PDE2A: variants seen among roughly 807,000 people sequenced by gnomAD.
PDE2A encodes the protein phosphodiesterase 2A.
PDE2A carries 53 observed loss-of-function variants against 133.6 expected under a neutral mutation model. The ratio of observed to expected loss-of-function variants is 0.40; its 90% CI spans 0.32 to 0.50. The LOEUF is 0.50. Ranked by LOEUF, PDE2A falls within the 20% of genes least tolerant of loss-of-function variation. The pLI is 0.73. For synonymous variants in PDE2A, 491 were observed against 490.2 expected, an observed-to-expected ratio of 1.00 and a Z score of -0.02; for missense variants, 796 against 1,232.4, an observed-to-expected ratio of 0.65 and a Z score of 5.30.
chr11:72,658,764 T>C (rs1157269086), intron 1 of PDE2A, among the ~76,000 whole-genome samples: 1 of 152,214 alleles, frequency 6.6e-6, no homozygotes, highest in African/African-American at 2.4e-5. Context: ...TGCAGTCCTA[T>C]GAATGAAGCT....
At chr11:72,589,061 T>C (rs1206909933) in intron 12 of PDE2A, 114 bp downstream of exon 12, 1 of 1,224,502 alleles carries the variant, frequency 8.2e-7, no homozygotes. Flanking sequence ...CAGTAGAAAG[T>C]CCCCAGGTCT....
At chr11:72,603,276 C>T (rs1856835352) in intron 4 of PDE2A, among the ~76,000 whole-genome samples, 1 of 132,988 alleles carries the variant, frequency 7.5e-6, no homozygotes, top group Non-Finnish European at 1.5e-5. Flanking sequence ...TTTGAATATT[C>T]ACTTTTAATT....
chr11:72,670,210 A>G lies in PDE2A; in HGVS notation c.71+3927T>C, dbSNP rs560659069. On this transcript the variant is annotated intron_variant, in intron 1 of 30. Coordinates refer to ENST00000334456, the MANE Select transcript of PDE2A (RefSeq NM_002599.5). ...GCTCTTCCTTATAAGGCCAGCCCCA[A>G]TGGCCCCTCCTCCTAAATACCTTCC... Among the ~76,000 whole-genome samples the G allele has an allele frequency of 2.0e-5, 3 of 150,680 alleles. No homozygotes were observed. The South Asian group carries it at 6.2e-4, about 31-fold the overall frequency.
Position 72,590,329 on chromosome 11 carries a change from G to C in PDE2A, c.704-85C>G, listed in dbSNP as rs781445347. ...CTCAGGCGCCGCTCAGCTCCGCGCC[G>C]GGCCCGCCGCCGGCTCCCGGGATCG... On this transcript the variant is annotated intron_variant, in intron 8 of 30. Coordinates refer to ENST00000334456, the MANE Select transcript of PDE2A (RefSeq NM_002599.5). This position sits in a 1 kb window ranked among gnomAD's most constrained non-coding sequence, Gnocchi z 4.8. The C allele has an allele frequency of 2.6e-6, 4 of 1,537,416 alleles. No homozygotes were observed. Among genetic ancestry groups the C allele is most frequent in the South Asian group, 2.4e-5 (2 of 83,686 alleles).
At position 72,598,245 on chromosome 11, in the gene PDE2A, T is replaced by A. The variant is rs188501156; in HGVS notation, c.324-626A>T. On this transcript the variant is annotated intron_variant, in intron 4 of 30. Transcript: ENST00000334456. ...CACTTGCCCAGGGTTACACAGTGAA[T>A]AAGCGGTAGAGCCAGGATTTGAACC... Among the ~76,000 whole-genome samples the A allele has an allele frequency of 1.3e-3, 202 of 152,296 alleles. 1 individual carries two copies. Among genetic ancestry groups the A allele is most frequent in the African/African-American group, 4.7e-3 (197 of 41,562 alleles).
intron 2 of PDE2A, among the ~76,000 whole-genome samples, chr11:72,611,867 A>G (rs756603976): frequency 6.6e-6 from 1 of 152,190 alleles, no homozygotes; most frequent in Non-Finnish European, 1.5e-5. Flanking sequence ...TCTCAAAGCA[A>G]CTTCACCCCC....
intron 6 of PDE2A, among the ~76,000 whole-genome samples, chr11:72,592,550 G>A (rs1356861028): frequency 6.6e-6 from 1 of 152,206 alleles, no homozygotes; most frequent in Non-Finnish European, 1.5e-5. Context: ...AAGGCTTCCT[G>A]AATTGGCATG....
chr11:72,628,831 T>G (rs1382048027), intron 2 of PDE2A, among the ~76,000 whole-genome samples: 1 of 152,184 alleles, frequency 6.6e-6, no homozygotes, highest in East Asian at 1.9e-4. Flanking sequence ...AGGCTCCCAG[T>G]CCCTTTTCCC....
chr11:72,601,358 GC>G (rs141047287), intron 4 of PDE2A, among the ~76,000 whole-genome samples: 5,062 of 110,430 alleles, frequency 0.046, 281 homozygotes, highest in African/African-American at 0.13. Context: ...CTCTCACTGA[GC>G]CCCCAGGACC....
intron 6 of PDE2A, among the ~76,000 whole-genome samples, chr11:72,592,139 C>A (rs1279109962): frequency 6.6e-6 from 1 of 152,176 alleles, no homozygotes; most frequent in East Asian, 1.9e-4. Context: ...TCCCTTCCCC[C>A]ACTCCTACTT....
At chr11:72,585,114 GTTT>G (rs5792596) in intron 16 of PDE2A, 170 bp from the exon 17 acceptor site, 4,554 of 583,248 alleles carry the variant, frequency 7.8e-3, no homozygotes, top group East Asian at 9.5e-3. Context: ...CAAGTGTTTT[GTTT>G]TTTTTTTTTT....
chr11:72,631,250 G>A, intron 2 of PDE2A: 1 of 796,562 alleles, frequency 1.3e-6, no homozygotes, highest in Non-Finnish European at 2.0e-6. Flanking sequence ...CCTCCTCCAG[G>A]GAGCCTTGCC....
At chr11:72,584,483 C>T in intron 18 of PDE2A, 68 bp downstream of exon 18, 1 of 1,507,578 alleles carries the variant, frequency 6.6e-7, no homozygotes, top group Non-Finnish European at 9.0e-7. Context: ...AGTGTTGCCA[C>T]CCCCGCTCGC....
Position 72,608,710 on chromosome 11 carries a change from G to T in PDE2A, c.186C>A (p.Gly62=). The T allele has an allele frequency of 1.3e-6, 2 of 1,576,274 alleles. No homozygotes were observed. The highest frequency in any genetic ancestry group is 8.6e-7 in the Non-Finnish European group (1 of 1,160,802). Residue 62 remains glycine (G), a synonymous_variant, in exon 3 of 31, where the codon GGC becomes GGA. Coordinates refer to ENST00000334456, the MANE Select transcript of PDE2A (RefSeq NM_002599.5). ...GGGCCTCCTTGACAGCACGTTGCAGGCCTGAAATGTCGATGACAGAGCCCA... is the reference window on the plus strand; with the variant it reads ...GGGCCTCCTTGACAGCACGTTGCAGTCCTGAAATGTCGATGACAGAGCCCA... The part of the protein sequence containing the change: ...LSLGSVIDIS[G]LQRAVKEALS...
chr11:72,663,038 A>T (rs1453044832), intron 1 of PDE2A, among the ~76,000 whole-genome samples: 1 of 152,152 alleles, frequency 6.6e-6, no homozygotes, highest in African/African-American at 2.4e-5. Context: ...CTCCACCTGG[A>T]AAACTCTCAG....
Position 72,674,128 on chromosome 11 carries a change from T to C in PDE2A, c.71+9A>G. 1 of 1,612,684 alleles carries C rather than the reference T, an allele frequency of 6.2e-7. No individual in the cohort carries two copies. Among genetic ancestry groups the C allele is most frequent in the Non-Finnish European group, 8.5e-7 (1 of 1,179,412 alleles). ...GCCGCTCACCACCCCAGCCCCTCAC[T>C]ATACTCACGGCTCAGCCGGTCGCGC... is the stretch of plus-strand genomic sequence containing the variant. On this transcript the variant is annotated intron_variant, in intron 1 of 30. Coordinates refer to ENST00000334456, the MANE Select transcript of PDE2A (RefSeq NM_002599.5).
intron 1 of PDE2A, among the ~76,000 whole-genome samples, chr11:72,670,780 G>C (rs955807743): frequency 2.0e-5 from 3 of 152,106 alleles, no homozygotes; most frequent in African/African-American, 7.2e-5. Flanking sequence ...ATAAGGCCAG[G>C]CTGGGTAGCC....
intron 4 of PDE2A, among the ~76,000 whole-genome samples, chr11:72,604,745 GT>G (rs1198673663): frequency 6.6e-6 from 1 of 152,168 alleles, no homozygotes; most frequent in Non-Finnish European, 1.5e-5. Context: ...AGTTGGCACT[GT>G]GAGCTCCTGC....
At chr11:72,582,232 G>A in intron 21 of PDE2A, 1 of 620,040 alleles carries the variant, frequency 1.6e-6, no homozygotes, top group South Asian at 2.0e-5. Flanking sequence ...TGGTCCAAGA[G>A]CAGCCCTTGG....
Sources: gnomAD v4.1 joint callset for allele counts (sites outside exome capture counted in the v4.1 genomes callset) on GRCh38, gnomAD v4.1.1 for gene constraint, Gnocchi (gnomAD v3.1) non-coding constraint, MANE v1.5 for transcripts, NCBI Gene and HGNC (gene_info 2026-07-23, HGNC 2026-07-21) for gene names.